Variants in TMEM156 observed in about 807,000 individuals in gnomAD.
The protein encoded by TMEM156 is transmembrane protein 156.
TMEM156 carries 28 observed loss-of-function variants against 30.5 expected under a neutral mutation model. The observed-to-expected ratio is 0.92, with a 90% CI of 0.68 to 1.26. TMEM156 has a LOEUF of 1.26. Among genes scored for constraint, TMEM156 ranks in the 50% most tolerant of loss-of-function variants. The pLI, the probability that TMEM156 is intolerant of heterozygous loss-of-function variation, is 0.00. For missense variants in TMEM156, 351 were observed against 340.6 expected (o/e 1.03, Z -0.24); for synonymous variants, 137 against 119.9 (o/e 1.14, Z -0.93).
intron 5 of TMEM156, among the ~76,000 whole-genome samples, chr4:38,974,335 C>G (rs751241804): frequency 7.9e-5 from 12 of 151,688 alleles, no homozygotes; most frequent in East Asian, 3.9e-4. Context: ...CTTGCAAAGC[C>G]CTGAGATTAC....
chr4:38,971,915 G>T (rs1041113905), intron 5 of TMEM156, among the ~76,000 whole-genome samples: 3 of 151,666 alleles, frequency 2.0e-5, no homozygotes, highest in African/African-American at 7.3e-5. Context: ...TCAGCCTCCC[G>T]AGTAGCTGGG....
At chr4:39,031,856 C>T (rs949443807) in intron 1 of TMEM156, among the ~76,000 whole-genome samples, 1 of 134,490 alleles carries the variant, frequency 7.4e-6, no homozygotes, top group African/African-American at 2.9e-5. Flanking sequence ...GCACTCCAGC[C>T]TGAGCGACAG....
intron 5 of TMEM156, among the ~76,000 whole-genome samples, chr4:38,978,736 G>C (rs574833234): frequency 6.6e-6 from 1 of 152,258 alleles, no homozygotes; most frequent in East Asian, 1.9e-4. Flanking sequence ...AGCTTGTCAG[G>C]CTACCCCTAA....
chr4:39,016,681 A>C (rs1714506163), intron 1 of TMEM156, among the ~76,000 whole-genome samples: 1 of 152,194 alleles, frequency 6.6e-6, no homozygotes, highest in African/African-American at 2.4e-5. Context: ...TAAATTTCCA[A>C]ATATATTACC....
At chr4:39,031,486 T>C (rs1715499642) in intron 1 of TMEM156, among the ~76,000 whole-genome samples, 1 of 152,218 alleles carries the variant, frequency 6.6e-6, no homozygotes, top group African/African-American at 2.4e-5. Flanking sequence ...AAGGTGACGG[T>C]AAGTTATCTG....
intron 1 of TMEM156, among the ~76,000 whole-genome samples, chr4:39,032,018 G>T (rs1328429374): frequency 2.6e-5 from 4 of 151,744 alleles, no homozygotes; most frequent in African/African-American, 9.7e-5. Flanking sequence ...TCATTTTTAG[G>T]TATGCTATGA....
At chr4:38,984,345 C>CTGTGTGTGTGTGTGTGTG (rs770530490) in intron 5 of TMEM156, among the ~76,000 whole-genome samples, 1 of 114,862 alleles carries the variant, frequency 8.7e-6, no homozygotes, top group Non-Finnish European at 1.7e-5. Flanking sequence ...CTCTCTCTCT[C>CTGTGTGTGTGTGTGTGTG]TCTCTGTGTG....
intron 1 of TMEM156, among the ~76,000 whole-genome samples, chr4:39,009,900 C>A (rs957090944): frequency 6.6e-6 from 1 of 152,036 alleles, no homozygotes; most frequent in East Asian, 1.9e-4. Flanking sequence ...CTAGCCAGGG[C>A]AATCAAGCAA....
chr4:39,001,057 T>C (rs536554957), intron 1 of TMEM156, among the ~76,000 whole-genome samples: 3 of 152,074 alleles, frequency 2.0e-5, no homozygotes, highest in East Asian at 1.9e-4. Flanking sequence ...AACTAAGGAA[T>C]AGGCAACCTA....
chr4:39,022,616 G>A (rs1714944807), intron 1 of TMEM156, among the ~76,000 whole-genome samples: 1 of 152,092 alleles, frequency 6.6e-6, no homozygotes, highest in Admixed American at 6.5e-5. Context: ...GTATTTTTCA[G>A]AGTATGACTG....
chr4:39,018,218 A>G (rs1222181683), intron 1 of TMEM156, among the ~76,000 whole-genome samples: 1 of 152,196 alleles, frequency 6.6e-6, no homozygotes, highest in Admixed American at 6.5e-5. Context: ...AAAGTCAATC[A>G]ACAGTTAACC....
At chr4:38,993,672 CCTTA>C (rs1285148581) in intron 3 of TMEM156, 62 bp downstream of exon 3, 1 of 1,406,612 alleles carries the variant, frequency 7.1e-7, no homozygotes, top group East Asian at 2.3e-5. Flanking sequence ...ATGTGATAGC[CCTTA>C]CTTAATTTTA....
intron 5 of TMEM156, among the ~76,000 whole-genome samples, chr4:38,985,421 G>A (rs1042299711): frequency 3.9e-5 from 6 of 152,074 alleles, no homozygotes; most frequent in Non-Finnish European, 8.8e-5. Context: ...CTAGGGTTCC[G>A]TGTATCTGCT....
At chr4:39,002,395 A>C (rs1713427786) in intron 1 of TMEM156, among the ~76,000 whole-genome samples, 1 of 146,154 alleles carries the variant, frequency 6.8e-6, no homozygotes, top group Non-Finnish European at 1.5e-5. Flanking sequence ...CAGGTGCTGG[A>C]GAGGATGTGG....
rs199973885 is a variant in TMEM156 at position 39,019,035 on chromosome 4, A to G, written c.88+13191T>C. ...GACTCCATCTTAAAAAAACAAAACA[A>G]AAAAAAAAAAAAAACCTCTTCAGTT... On this transcript the variant is annotated intron_variant, in intron 1 of 6. Transcript: ENST00000381938. Among the ~76,000 whole-genome samples the G allele has an allele frequency of 3.5e-4, 52 of 147,110 alleles. 1 individual carries two copies. The highest frequency in any genetic ancestry group is 1.7e-3 in the South Asian group (8 of 4,678).
In TMEM156 at chr4:38,967,453, A is replaced by C. The variant is rs1319592256; in HGVS notation, c.*227T>G. On this transcript the variant is annotated 3_prime_UTR_variant, in exon 7 of 7. Transcript: ENST00000381938. ...TGACTCATAATGGCTTCTTGCAAAC[A>C]CTCTTGTTCCCTTGATCTCATGGAG... 6.6e-6 allele frequency: 1 copy of C among 151,706 alleles called. No individual in the cohort carries two copies. Among genetic ancestry groups the C allele is most frequent in the East Asian group, 1.9e-4 (1 of 5,168 alleles). 9.4% of individuals were successfully genotyped at this position (151,706 alleles called of 1,614,324 possible).
At chr4:39,025,634 C>T (rs942930302) in intron 1 of TMEM156, among the ~76,000 whole-genome samples, 3 of 152,004 alleles carry the variant, frequency 2.0e-5, no homozygotes, top group African/African-American at 4.8e-5. Flanking sequence ...TTTCGACATA[C>T]CATAGCAATA....
chr4:38,988,917 T>C lies in TMEM156; in HGVS notation c.673A>G (p.Ile225Val), dbSNP rs1380979787. 2.5e-6 allele frequency: 4 copies of C among 1,613,348 alleles called. No individual in the cohort carries two copies. The highest frequency in any genetic ancestry group is 3.4e-6 in the Non-Finnish European group (4 of 1,179,512). Reference sequence around the variant, plus strand: ...CGGATAGTGAGGATGATCAAAAATATAAAAACTAATAGAACTAAAATATAC... The same window carrying C: ...CGGATAGTGAGGATGATCAAAAATACAAAAACTAATAGAACTAAAATATAC... ...TWYILVLLVFIFLIILTIRKI... is the reference protein window; with the variant it reads ...TWYILVLLVFVFLIILTIRKI... The change falls in exon 4 of 7, where the codon ATA becomes GTA. Residue 225 changes from isoleucine (I) to valine (V), a missense_variant. Coordinates refer to ENST00000381938, the MANE Select transcript of TMEM156 (RefSeq NM_024943.3).
intron 1 of TMEM156, among the ~76,000 whole-genome samples, chr4:39,023,867 A>G (rs1715028078): frequency 6.6e-6 from 1 of 152,088 alleles, no homozygotes; most frequent in African/African-American, 2.4e-5. Context: ...AATAAAAAAT[A>G]AAAATAAAAA....
Sources: allele counts gnomAD v4.1 joint callset (sites outside exome capture counted in the v4.1 genomes callset), GRCh38; gene constraint gnomAD v4.1.1; transcripts MANE v1.5; gene names NCBI Gene and HGNC (gene_info 2026-07-23, HGNC 2026-07-21).